The following PAPPA2 variants were observed in gnomAD, a reference collection of about 807,000 sequenced individuals.
The protein encoded by PAPPA2 is pappalysin-2.
Under a neutral mutation model 176.4 loss-of-function variants are expected in PAPPA2, and 86 were observed. That is an observed-to-expected ratio of 0.49 (90% CI 0.41 to 0.58). The LOEUF (loss-of-function observed/expected upper bound fraction) is 0.58, where lower values mean the gene tolerates loss of function less well. Among genes scored for constraint, PAPPA2 ranks in the 20% least tolerant of loss-of-function variants. The probability of loss-of-function intolerance (pLI) is 0.00; values close to 1 mark genes in which losing one functional copy is unlikely to be tolerated. For missense variants in PAPPA2, 2,073 were observed against 2,256.9 expected, an observed-to-expected ratio of 0.92 and a Z score of 1.65; for synonymous variants, 809 against 852.2, an observed-to-expected ratio of 0.95 and a Z score of 0.88.
chr1:176,636,197 T>C (rs571997694), intron 3 of PAPPA2, among the ~76,000 whole-genome samples: 2 of 152,290 alleles, frequency 1.3e-5, no homozygotes, highest in South Asian at 4.1e-4. Context: ...AAAGAACTTC[T>C]GCTGGAACTT....
intron 17 of PAPPA2, among the ~76,000 whole-genome samples, chr1:176,775,455 T>C (rs574765898): frequency 4.6e-5 from 7 of 152,254 alleles, no homozygotes; most frequent in South Asian, 4.1e-4. Flanking sequence ...CTCAACAACA[T>C]AGAAAGAAAG....
At chr1:176,712,404 G>T (rs1661188264) in intron 12 of PAPPA2, among the ~76,000 whole-genome samples, 2 of 152,104 alleles carry the variant, frequency 1.3e-5, no homozygotes, top group East Asian at 3.9e-4. Context: ...GATTAGTTTT[G>T]ACTGTTTTTG....
intron 1 of PAPPA2, among the ~76,000 whole-genome samples, chr1:176,475,038 T>G (rs1652048903): frequency 6.6e-6 from 1 of 152,182 alleles, no homozygotes; most frequent in Non-Finnish European, 1.5e-5. Context: ...CATTGTTGGT[T>G]GGTGGTATTA....
intron 1 of PAPPA2, among the ~76,000 whole-genome samples, chr1:176,529,829 C>T (rs528648852): frequency 7.2e-5 from 11 of 152,074 alleles, no homozygotes; most frequent in African/African-American, 1.9e-4. Flanking sequence ...AGTTTGCATG[C>T]GTTTTGCTAC....
chr1:176,672,300 A>G (rs1305034834), intron 4 of PAPPA2, among the ~76,000 whole-genome samples: 3 of 152,116 alleles, frequency 2.0e-5, no homozygotes, highest in East Asian at 3.9e-4. Context: ...GTAATATTTT[A>G]TGTTGGAAAA....
intron 3 of PAPPA2, among the ~76,000 whole-genome samples, chr1:176,656,940 G>A (rs187597205): frequency 1.6e-4 from 24 of 151,932 alleles, no homozygotes; most frequent in African/African-American, 5.5e-4. Flanking sequence ...GACTTTAGAG[G>A]TGAGGGGGAC....
intron 4 of PAPPA2, 77 bp downstream of exon 4, chr1:176,671,192 G>A: frequency 8.3e-6 from 13 of 1,566,790 alleles, no homozygotes; most frequent in Non-Finnish European, 8.6e-6. Flanking sequence ...TAAGTTTGGG[G>A]AAAAAAGAAA....
At chr1:176,561,049 C>T (rs989994130) in intron 2 of PAPPA2, among the ~76,000 whole-genome samples, 1 of 152,214 alleles carries the variant, frequency 6.6e-6, no homozygotes, top group Non-Finnish European at 1.5e-5. Flanking sequence ...CTCTGAGGAT[C>T]CGAGCATTAG....
chr1:176,571,177 G>A (rs144389307), intron 2 of PAPPA2, among the ~76,000 whole-genome samples: 2 of 152,286 alleles, frequency 1.3e-5, no homozygotes, highest in African/African-American at 4.8e-5. Flanking sequence ...AATGAACCAT[G>A]TTCCTTTCTC....
At chr1:176,694,682 A>G (rs542639156) in intron 6 of PAPPA2, among the ~76,000 whole-genome samples, 4 of 152,312 alleles carry the variant, frequency 2.6e-5, no homozygotes, top group Admixed American at 1.3e-4. Flanking sequence ...TTATGTAGCT[A>G]TTATTGTGTC....
intron 2 of PAPPA2, among the ~76,000 whole-genome samples, chr1:176,573,329 A>T (rs1652462525): frequency 6.6e-6 from 1 of 152,288 alleles, no homozygotes; most frequent in South Asian, 2.1e-4. Flanking sequence ...AGAGAAGCCT[A>T]CAGGTAGCTC....
In PAPPA2 at chr1:176,714,704, C is replaced by A. The variant is rs150413901; in HGVS notation, c.3798+2723C>A. 6.4e-3 allele frequency among the ~76,000 whole-genome samples: 978 copies of A among 152,196 alleles called. 13 individuals carry two copies. Among genetic ancestry groups the A allele is most frequent in the African/African-American group, 0.022 (919 of 41,520 alleles). ...TAGCAATAGGTGCATTAATTATTTT[C>A]TTCTTGATTATAATAAGTCTTTTCT... On this transcript the variant is annotated intron_variant, in intron 12 of 22. Transcript: ENST00000367662.
chr1:176,467,670 C>T (rs1462302661), intron 1 of PAPPA2, among the ~76,000 whole-genome samples: 2 of 152,186 alleles, frequency 1.3e-5, no homozygotes, highest in African/African-American at 4.8e-5. Flanking sequence ...TAACTTCACT[C>T]TGTTTCACAA....
At chr1:176,578,279 C>T (rs564367325) in intron 2 of PAPPA2, among the ~76,000 whole-genome samples, 1 of 152,272 alleles carries the variant, frequency 6.6e-6, no homozygotes, top group South Asian at 2.1e-4. Flanking sequence ...AAGAAAGCAT[C>T]TTAGTATGTG....
chr1:176,686,698 C>A (rs1473316057), intron 4 of PAPPA2, among the ~76,000 whole-genome samples: 2 of 152,168 alleles, frequency 1.3e-5, no homozygotes, highest in African/African-American at 4.8e-5. Flanking sequence ...CAGTGACAGT[C>A]CAGGACAATA....
intron 2 of PAPPA2, among the ~76,000 whole-genome samples, chr1:176,571,611 C>T (rs1383020095): frequency 1.3e-5 from 2 of 152,194 alleles, no homozygotes; most frequent in African/African-American, 2.4e-5. Flanking sequence ...TCATGTTCCT[C>T]AGTCCCAAGG....
intron 21 of PAPPA2, among the ~76,000 whole-genome samples, 168 bp from the exon 22 acceptor site, chr1:176,840,005 A>AT (rs771395303): frequency 3.9e-5 from 6 of 151,984 alleles, no homozygotes; most frequent in Non-Finnish European, 5.9e-5. Flanking sequence ...TGGTCTTGAG[A>AT]TTTTTTCAAC....
chr1:176,841,952 T>C (rs1253397774), intron 22 of PAPPA2, among the ~76,000 whole-genome samples: 1 of 152,130 alleles, frequency 6.6e-6, no homozygotes, highest in Non-Finnish European at 1.5e-5. Context: ...CCCTTCCCTG[T>C]AAAGAGAAAA....
At chr1:176,481,542 C>A in intron 1 of PAPPA2, among the ~76,000 whole-genome samples, 1 of 152,144 alleles carries the variant, frequency 6.6e-6, no homozygotes, top group East Asian at 1.9e-4. Flanking sequence ...CTCAGCTACC[C>A]ATTGCTGAGG....
Sources: allele counts gnomAD v4.1 joint callset (sites outside exome capture counted in the v4.1 genomes callset), GRCh38; gene constraint gnomAD v4.1.1; transcripts MANE v1.5; gene names NCBI Gene and HGNC (gene_info 2026-07-23, HGNC 2026-07-21).